The following CEP85L variants were observed in gnomAD, a reference collection of about 807,000 sequenced individuals.
CEP85L encodes centrosomal protein 85L.
In CEP85L, 60 loss-of-function variants were observed where a neutral mutation model predicts 100.3. That is an observed-to-expected ratio of 0.60 (90% confidence interval 0.49 to 0.74). The LOEUF is 0.74. Ranked by LOEUF, CEP85L falls within the 30% of genes least tolerant of loss-of-function variation. The probability of loss-of-function intolerance (pLI) is 0.00; values close to 1 mark genes in which losing one functional copy is unlikely to be tolerated. For missense variants in CEP85L, 973 were observed against 936.2 expected (o/e 1.04, Z -0.51); for synonymous variants, 319 against 322.7 (o/e 0.99, Z 0.12).
intron 6 of CEP85L, among the ~76,000 whole-genome samples, chr6:118,489,995 A>ACG (rs1433458183): frequency 1.3e-5 from 2 of 151,912 alleles, no homozygotes; most frequent in African/African-American, 4.8e-5. Flanking sequence ...ACACACACAC[A>ACG]CGCACACACA....
At chr6:118,644,711 A>G (rs1354905798) in intron 1 of CEP85L, among the ~76,000 whole-genome samples, 1 of 152,120 alleles carries the variant, frequency 6.6e-6, no homozygotes, top group Non-Finnish European at 1.5e-5. Context: ...ACTCCAAACC[A>G]TCAGTAAATC....
intron 3 of CEP85L, among the ~76,000 whole-genome samples, chr6:118,532,701 C>G (rs578088324): frequency 6.6e-6 from 1 of 152,176 alleles, no homozygotes; most frequent in Admixed American, 6.5e-5. Context: ...AGTAAGTCTA[C>G]TCCTAAAATG....
At chr6:118,651,713 C>T, upstream of CEP85L, 1 of 266,466 alleles carries the variant, frequency 3.8e-6, no homozygotes, top group Non-Finnish European at 4.4e-6. Context: ...GCGGGGACTG[C>T]GGGGGGCGGG....
chr6:118,627,732 A>T (rs1773894797), intron 2 of CEP85L, among the ~76,000 whole-genome samples: 1 of 152,216 alleles, frequency 6.6e-6, no homozygotes, highest in Non-Finnish European at 1.5e-5. Context: ...ACTCCAGAAA[A>T]GGGAAGATAA....
chr6:118,637,641 G>A (rs1287892513), intron 1 of CEP85L, among the ~76,000 whole-genome samples: 2 of 142,058 alleles, frequency 1.4e-5, no homozygotes, highest in Non-Finnish European at 3.0e-5. Flanking sequence ...AGGAGGTGGA[G>A]GCTGCAGTAA....
Position 118,566,208 on chromosome 6 carries a change from A to AGG in CEP85L, c.340_341insCC (p.Leu114ProfsTer6). 2 of 1,614,136 alleles carry AGG rather than the reference A, an allele frequency of 1.2e-6. No homozygotes were observed. Among genetic ancestry groups the AGG allele is most frequent in the Non-Finnish European group, 1.7e-6 (2 of 1,180,018 alleles). ...GCCATCTGGTGTCAATGATTCCCTA[A>AGG]GTTTGGAAATTGAAGCGCTGGAATT... On this transcript the variant is annotated frameshift_variant, in exon 3 of 13. Transcript: ENST00000368491. LOFTEE classifies it high-confidence loss of function.
chr6:118,624,171 A>C (rs189708432), intron 2 of CEP85L, among the ~76,000 whole-genome samples: 1 of 152,316 alleles, frequency 6.6e-6, no homozygotes, highest in East Asian at 1.9e-4. Context: ...ATCCTAAAGA[A>C]GAAAAACTCA....
chr6:118,551,950 C>T (rs923811919), intron 3 of CEP85L, among the ~76,000 whole-genome samples: 1 of 151,706 alleles, frequency 6.6e-6, no homozygotes, highest in African/African-American at 2.4e-5. Context: ...TACCACAAGT[C>T]CAAAAAAGGG....
chr6:118,514,319 G>C (rs1776137595), intron 4 of CEP85L, among the ~76,000 whole-genome samples: 1 of 152,026 alleles, frequency 6.6e-6, no homozygotes, highest in Non-Finnish European at 1.5e-5. Flanking sequence ...GAGGTCCGGA[G>C]TTCAAGACCA....
At chr6:118,688,502 T>C (rs1010020835) in intron 1 of CEP85L, among the ~76,000 whole-genome samples, 1 of 152,258 alleles carries the variant, frequency 6.6e-6, no homozygotes, top group African/African-American at 2.4e-5. Flanking sequence ...TACAGTTCTA[T>C]ACTTTATCCC....
intron 3 of CEP85L, among the ~76,000 whole-genome samples, chr6:118,543,448 A>G (rs1583014085): frequency 6.6e-6 from 1 of 151,822 alleles, no homozygotes; most frequent in Non-Finnish European, 1.5e-5. Context: ...AAAAAAATCA[A>G]TCAGTCTCTA....
intron 1 of CEP85L, among the ~76,000 whole-genome samples, chr6:118,633,052 C>A (rs1562325961): frequency 6.6e-6 from 1 of 152,056 alleles, no homozygotes; most frequent in African/African-American, 2.4e-5. Context: ...AATATGAAAA[C>A]AATCCATTTT....
chr6:118,520,969 C>T (rs1776631307), intron 4 of CEP85L, among the ~76,000 whole-genome samples: 2 of 152,128 alleles, frequency 1.3e-5, no homozygotes, highest in African/African-American at 4.8e-5. Context: ...ATTTTCTCTG[C>T]TTTAACCTAA....
chr6:118,534,191 T>C (rs1777456331), intron 3 of CEP85L, among the ~76,000 whole-genome samples: 1 of 152,178 alleles, frequency 6.6e-6, no homozygotes, highest in African/African-American at 2.4e-5. Context: ...AACAAGATTA[T>C]ACAATTCAGG....
In CEP85L at chr6:118,465,175, C is replaced by A; in HGVS notation, c.*230G>T. On this transcript the variant is annotated 3_prime_UTR_variant, in exon 13 of 13. Transcript: ENST00000368491. ...AGTTTGAGAATATAGACATTTTTTTCCTTGTAGATTTTATCATATTTTCCA... is the reference window on the plus strand; with the variant it reads ...AGTTTGAGAATATAGACATTTTTTTACTTGTAGATTTTATCATATTTTCCA... 2.2e-6 allele frequency: 1 copy of A among 451,738 alleles called. No homozygotes were observed. Among genetic ancestry groups the A allele is most frequent in the Non-Finnish European group, 3.9e-6 (1 of 254,210 alleles). The allele number at this position is 451,738 out of a possible 1,614,324, so 28.0% of individuals were successfully genotyped here.
intron 5 of CEP85L, among the ~76,000 whole-genome samples, chr6:118,504,291 C>T (rs1262598327): frequency 2.6e-5 from 4 of 151,944 alleles, no homozygotes; most frequent in African/African-American, 9.7e-5. Context: ...AGGAAAATCG[C>T]TTGAACCCAG....
At chr6:118,648,725 G>A (rs1432293106) in intron 1 of CEP85L, among the ~76,000 whole-genome samples, 1 of 137,984 alleles carries the variant, frequency 7.2e-6, no homozygotes, top group African/African-American at 2.8e-5. Context: ...CTGGGCGACA[G>A]AGAAAGACTG....
intron 4 of CEP85L, among the ~76,000 whole-genome samples, chr6:118,515,804 G>A (rs924847644): frequency 5.3e-5 from 8 of 152,070 alleles, no homozygotes; most frequent in African/African-American, 1.2e-4. Flanking sequence ...TGTGCAGAAC[G>A]TGCAGGTTTG....
chr6:118,623,764 G>T (rs1420516546), intron 2 of CEP85L, among the ~76,000 whole-genome samples: 1 of 152,170 alleles, frequency 6.6e-6, no homozygotes, highest in African/African-American at 2.4e-5. Flanking sequence ...GGCCAATTTG[G>T]TCAAAGATAT....
Sources: allele counts gnomAD v4.1 joint callset (sites outside exome capture counted in the v4.1 genomes callset), GRCh38; gene constraint gnomAD v4.1.1; transcripts MANE v1.5; gene names NCBI Gene and HGNC (gene_info 2026-07-23, HGNC 2026-07-21).